RIMS2: variants seen among roughly 807,000 people sequenced by gnomAD.
RIMS2 encodes the protein regulating synaptic membrane exocytosis 2.
Under a neutral mutation model 174.4 loss-of-function variants are expected in RIMS2, and 59 were observed. The observed-to-expected ratio is 0.34, with a 90% CI of 0.27 to 0.42. RIMS2 has a LOEUF of 0.42. Ranked by LOEUF, RIMS2 falls within the 10% of genes least tolerant of loss-of-function variation. The probability of loss-of-function intolerance (pLI) is 1.00; values close to 1 mark genes in which losing one functional copy is unlikely to be tolerated. For synonymous variants in RIMS2, 606 were observed against 572.5 expected, an observed-to-expected ratio of 1.06 and a Z score of -0.84; for missense variants, 1,620 against 1,666.3, an observed-to-expected ratio of 0.97 and a Z score of 0.48.
intron 20 of RIMS2, among the ~76,000 whole-genome samples, chr8:104,246,032 A>G (rs1019588104): frequency 2.6e-5 from 4 of 152,248 alleles, no homozygotes; most frequent in African/African-American, 7.2e-5. Context: ...AAATCAACTG[A>G]AAAGTGAATG....
exon 23 of RIMS2, chr8:104,251,092 A>G (rs2099357719): frequency 6.2e-7 from 1 of 1,613,700 alleles, no homozygotes; most frequent in South Asian, 1.1e-5. Flanking sequence ...AAAAGTGGCA[A>G]GAAAAACGCT....
Position 104,172,632 on chromosome 8 carries a change from A to C in RIMS2, c.3335-72284A>C, listed in dbSNP as rs140591351. On this transcript the variant is annotated intron_variant, in intron 19 of 23. Transcript: ENST00000504942. ...ATCCACAAAGCCTAAAATATTTGCC[A>C]TATGGCCCTTAACAGAAAAAGTTTG... 9.8e-5 allele frequency among the ~76,000 whole-genome samples: 15 copies of C among 152,328 alleles called. No individual in the cohort carries two copies. The East Asian group carries it at 2.9e-3, about 29-fold the overall frequency.
intron 1 of RIMS2, among the ~76,000 whole-genome samples, chr8:103,502,596 A>C (rs1271450732): frequency 6.6e-6 from 1 of 152,090 alleles, no homozygotes; most frequent in Non-Finnish European, 1.5e-5. Context: ...ATAAAGCATT[A>C]TTTTTAGAAG....
chr8:103,685,327 G>T (rs949895188), intron 1 of RIMS2, among the ~76,000 whole-genome samples: 15 of 152,086 alleles, frequency 9.9e-5, no homozygotes, highest in African/African-American at 3.6e-4. Context: ...GGCAAGAGAG[G>T]GAGCAAGGGC....
chr8:103,727,866 T>G (rs1197454928), intron 2 of RIMS2, among the ~76,000 whole-genome samples: 1 of 152,122 alleles, frequency 6.6e-6, no homozygotes, highest in Non-Finnish European at 1.5e-5. Flanking sequence ...TGAAGTGAAG[T>G]AATGTGATTC....
chr8:103,529,285 A>AT (rs986935127), intron 1 of RIMS2, among the ~76,000 whole-genome samples: 53 of 151,976 alleles, frequency 3.5e-4, no homozygotes, highest in African/African-American at 1.2e-3. Context: ...GCTTAAGGAG[A>AT]TTTTGGGTTG....
At chr8:103,579,994 A>G (rs2093508025) in intron 1 of RIMS2, among the ~76,000 whole-genome samples, 1 of 152,122 alleles carries the variant, frequency 6.6e-6, no homozygotes, top group African/African-American at 2.4e-5. Flanking sequence ...CAAGGGGGAA[A>G]TCCGCCCCCG....
intron 19 of RIMS2, among the ~76,000 whole-genome samples, chr8:104,040,119 A>T (rs756533651): frequency 7.3e-5 from 11 of 151,706 alleles, no homozygotes; most frequent in Non-Finnish European, 1.6e-4. Context: ...TATTCATATA[A>T]AGAGACAAAT....
chr8:104,055,023 G>C (rs959762326), intron 19 of RIMS2, among the ~76,000 whole-genome samples: 1 of 151,996 alleles, frequency 6.6e-6, no homozygotes, highest in Non-Finnish European at 1.5e-5. Flanking sequence ...AGAAAAGTGA[G>C]GTTCATTATT....
At chr8:103,766,198 A>G (rs774189747) in intron 2 of RIMS2, 29 bp from the exon 6 acceptor site, 2 of 1,510,284 alleles carry the variant, frequency 1.3e-6, no homozygotes, top group East Asian at 2.3e-5. Context: ...GGGAACACTA[A>G]TTTTTTCCCC....
At chr8:104,209,565 C>T (rs1323218159) in intron 19 of RIMS2, among the ~76,000 whole-genome samples, 1 of 152,216 alleles carries the variant, frequency 6.6e-6, no homozygotes, top group Non-Finnish European at 1.5e-5. Flanking sequence ...ACTCATCTTT[C>T]ATCTTACTGT....
chr8:104,221,410 A>T (rs1237842851), intron 19 of RIMS2, among the ~76,000 whole-genome samples: 4 of 152,216 alleles, frequency 2.6e-5, no homozygotes, highest in Non-Finnish European at 4.4e-5. Context: ...GTTTAAAAAA[A>T]ATTAGGTGAC....
chr8:103,945,852 C>G (rs1264919641), intron 14 of RIMS2, among the ~76,000 whole-genome samples: 1 of 151,920 alleles, frequency 6.6e-6, no homozygotes, highest in African/African-American at 2.4e-5. Context: ...TGAAGACCAC[C>G]TATGAACACC....
chr8:104,055,636 G>T (rs569239363), intron 19 of RIMS2, among the ~76,000 whole-genome samples: 3 of 152,012 alleles, frequency 2.0e-5, no homozygotes, highest in Admixed American at 6.6e-5. Flanking sequence ...AAAGATACAG[G>T]AATTGTGACT....
At chr8:103,587,450 AAG>A (rs1255634486) in intron 1 of RIMS2, among the ~76,000 whole-genome samples, 10 of 124,558 alleles carry the variant, frequency 8.0e-5, no homozygotes, top group African/African-American at 3.1e-4. Flanking sequence ...GAAAGAAAGA[AAG>A]AAAGAAAGAA....
intron 1 of RIMS2, among the ~76,000 whole-genome samples, chr8:103,691,425 G>T (rs2097023322): frequency 6.6e-6 from 1 of 151,940 alleles, no homozygotes; most frequent in South Asian, 2.1e-4. Context: ...TGTCTTCAAG[G>T]TCACTAATTC....
intron 1 of RIMS2, among the ~76,000 whole-genome samples, chr8:103,519,721 G>T (rs1003306039): frequency 3.5e-5 from 5 of 141,494 alleles, no homozygotes; most frequent in African/African-American, 7.9e-5. Context: ...ACATGTTTTC[G>T]TGGCTTTACT....
intron 19 of RIMS2, 86 bp downstream of exon 24, chr8:104,093,729 T>A (rs1448950326): frequency 1.9e-6 from 2 of 1,033,428 alleles, no homozygotes; most frequent in Non-Finnish European, 2.7e-6. Flanking sequence ...TATTTATTTC[T>A]AACAGGTTAA....
chr8:103,820,857 CT>C (rs112715821), intron 3 of RIMS2, among the ~76,000 whole-genome samples: 1,754 of 151,280 alleles, frequency 0.012, 47 homozygotes, highest in African/African-American at 0.041. Context: ...TGCTGTTTTC[CT>C]TTTTTAAAGT....
Sources: allele counts gnomAD v4.1 joint callset (sites outside exome capture counted in the v4.1 genomes callset), GRCh38; gene constraint gnomAD v4.1.1; transcripts MANE v1.5; gene names NCBI Gene and HGNC (gene_info 2026-07-23, HGNC 2026-07-21).